The following ARHGEF10 variants were observed in gnomAD, a reference collection of about 807,000 sequenced individuals.
The protein encoded by ARHGEF10 is Rho guanine nucleotide exchange factor (GEF) 10.
ARHGEF10 carries 140 observed loss-of-function variants against 147.4 expected under a neutral mutation model. The observed-to-expected ratio is 0.95, with a 90% CI of 0.83 to 1.09. The LOEUF (loss-of-function observed/expected upper bound fraction) is 1.09, where lower values mean the gene tolerates loss of function less well. Ranked by LOEUF, ARHGEF10 falls within the 50% of genes least tolerant of loss-of-function variation. ARHGEF10 has a pLI of 0.00. For missense variants in ARHGEF10, 2,222 were observed against 1,752.7 expected (o/e 1.27, Z -4.78); for synonymous variants, 902 against 695.8 (o/e 1.30, Z -4.67).
At chr8:1,909,522 C>A (rs79119275) in intron 18 of ARHGEF10, 52 bp downstream of exon 18, 1 of 1,608,428 alleles carries the variant, frequency 6.2e-7, no homozygotes. Flanking sequence ...GTAACTCTCA[C>A]GTTCATGCTA....
chr8:1,842,685 G>A (rs1297804067), intron 1 of ARHGEF10, among the ~76,000 whole-genome samples: 2 of 152,250 alleles, frequency 1.3e-5, no homozygotes, highest in South Asian at 4.1e-4. Context: ...GCTCTGGCGG[G>A]AGCCAGGCCC....
At chr8:1,877,301 C>T (rs918789601) in intron 8 of ARHGEF10, among the ~76,000 whole-genome samples, 5 of 152,170 alleles carry the variant, frequency 3.3e-5, no homozygotes, top group African/African-American at 1.2e-4. Context: ...AATCTCAGCT[C>T]ACTGCAATCT....
At chr8:1,898,357 G>A in intron 14 of ARHGEF10, 76 bp from the exon 15 acceptor site, 1 of 1,284,072 alleles carries the variant, frequency 7.8e-7, no homozygotes, top group Non-Finnish European at 1.1e-6. Context: ...TCAGTGTGGT[G>A]GGGAGGAGGC....
Position 1,905,613 on chromosome 8 carries a change from A to G in ARHGEF10, c.1864A>G (p.Met622Val). The change falls in exon 17 of 29, where the codon ATG (methionine) becomes GTG (valine). Residue 622 changes from methionine to valine, a missense_variant. Met to Val is a conservative substitution (Grantham distance 21, BLOSUM62 1). Coordinates refer to ENST00000349830, the MANE Select transcript of ARHGEF10 (RefSeq NM_014629.4). ...GSRYLIRSDD[M>V]IETVYNDRGE... The stretch of plus-strand genomic sequence containing the variant: ...CCGATACCTCATTCGATCAGATGAT[A>G]TGATAGAAACAGTTTACAACGACAG... The G allele has an allele frequency of 6.2e-7, 1 of 1,614,194 alleles. No homozygotes were observed.
chr8:1,937,696 A>G lies in ARHGEF10; in HGVS notation c.3222+3754A>G, dbSNP rs117453650. On this transcript the variant is annotated intron_variant, in intron 26 of 28. Transcript: ENST00000349830. This position sits in a 1 kb window ranked among gnomAD's most constrained non-coding sequence, Gnocchi z 4.9. ...GCAGCCCACAGGACCTGAGCCCACA[A>G]GATTCGAGCCCTGGGTATGTGTCCG... 7.2e-4 allele frequency among the ~76,000 whole-genome samples: 109 copies of G among 152,374 alleles called. 1 individual carries two copies. Among genetic ancestry groups the G allele is most frequent in the Non-Finnish European group, 1.2e-3 (82 of 68,038 alleles).
chr8:1,931,528 C>T (rs1301539840), intron 25 of ARHGEF10, among the ~76,000 whole-genome samples: 2 of 152,162 alleles, frequency 1.3e-5, no homozygotes, highest in Non-Finnish European at 2.9e-5. Flanking sequence ...GCATCTTTCT[C>T]ACCAAGAGCT....
rs546477040 is a variant in ARHGEF10 at position 1,924,190 on chromosome 8, G to C, written c.2488+316G>C. ...TGGCCGTGAGCCAGGTGCTCAAGGC[G>C]GGCGGCGGGCGGCGGCCTTCAAATG... On this transcript the variant is annotated intron_variant, in intron 21 of 28. Coordinates refer to ENST00000349830, the MANE Select transcript of ARHGEF10 (RefSeq NM_014629.4). Among the ~76,000 whole-genome samples the C allele has an allele frequency of 2.0e-5, 3 of 150,124 alleles. No homozygotes were observed. In the East Asian group the frequency reaches 5.8e-4, roughly 29 times the overall value.
intron 28 of ARHGEF10, among the ~76,000 whole-genome samples, chr8:1,955,335 C>T (rs1410688690): frequency 6.7e-6 from 1 of 149,744 alleles, no homozygotes; most frequent in African/African-American, 2.5e-5. Flanking sequence ...AAAGGAGGTG[C>T]ACTCACTGTG....
chr8:1,858,352 C>T (rs144091621), intron 3 of ARHGEF10, among the ~76,000 whole-genome samples: 2 of 152,288 alleles, frequency 1.3e-5, no homozygotes, highest in East Asian at 3.9e-4. Flanking sequence ...TCTTACGGCC[C>T]AATTGGAACA....
Position 1,916,063 on chromosome 8 carries a change from A to G in ARHGEF10, c.2143+6593A>G, listed in dbSNP as rs555618209. Reference sequence around the variant, plus strand: ...GATGAGTGCCATGCCTGTGTGTCACATGCCAGTCATTCCCATAAGTCTCGT... The same window carrying G: ...GATGAGTGCCATGCCTGTGTGTCACGTGCCAGTCATTCCCATAAGTCTCGT... On this transcript the variant is annotated intron_variant, in intron 18 of 28. Coordinates refer to ENST00000349830, the MANE Select transcript of ARHGEF10 (RefSeq NM_014629.4). 5.3e-5 allele frequency among the ~76,000 whole-genome samples: 8 copies of G among 152,336 alleles called. No homozygotes were observed. In the East Asian group the frequency reaches 1.5e-3, roughly 29 times the overall value.
intron 23 of ARHGEF10, among the ~76,000 whole-genome samples, 183 bp from the exon 24 acceptor site, chr8:1,928,244 A>T (rs766560810): frequency 2.6e-5 from 4 of 152,120 alleles, no homozygotes; most frequent in African/African-American, 9.7e-5. Context: ...ACTGAATTAA[A>T]TGTGTTGAAA....
chr8:1,869,290 C>T lies in ARHGEF10; in HGVS notation c.679+40C>T, dbSNP rs375116286. The T allele has an allele frequency of 4.7e-5, 74 of 1,568,634 alleles. 1 individual carries two copies. In the South Asian group the frequency reaches 6.9e-4, roughly 15 times the overall value. On this transcript the variant is annotated intron_variant, in intron 7 of 28. Transcript: ENST00000349830. ...GGAATTGATTTGAGGAGATTCAGCTCAGCAGCCTTTCCCTCTGGATGCCAA... is the reference window on the plus strand; with the variant it reads ...GGAATTGATTTGAGGAGATTCAGCTTAGCAGCCTTTCCCTCTGGATGCCAA...
At chr8:1,888,232 G>C (rs76764858) in intron 11 of ARHGEF10, among the ~76,000 whole-genome samples, 1,054 of 38,282 alleles carry the variant, frequency 0.028, 34 homozygotes, top group East Asian at 0.2. Context: ...CGAGGAGACA[G>C]TGAGTGTGGT....
At chr8:1,849,527 G>C (rs1169505990) in intron 2 of ARHGEF10, among the ~76,000 whole-genome samples, 1 of 150,462 alleles carries the variant, frequency 6.6e-6, no homozygotes, top group Non-Finnish European at 1.5e-5. Context: ...ATGCTGAGGA[G>C]GGCGTGGGGC....
intron 8 of ARHGEF10, among the ~76,000 whole-genome samples, chr8:1,879,355 C>T (rs748170645): frequency 1.7e-4 from 26 of 152,104 alleles, no homozygotes; most frequent in Non-Finnish European, 3.4e-4. Context: ...GTATCTTTTG[C>T]TTGGATGCCA....
chr8:1,949,529 C>G (rs1814858515), intron 27 of ARHGEF10, among the ~76,000 whole-genome samples: 1 of 152,140 alleles, frequency 6.6e-6, no homozygotes, highest in African/African-American at 2.4e-5. Context: ...CCTGCTCTGT[C>G]CCGCATGTTC....
chr8:1,905,390 G>A (rs928077605), intron 16 of ARHGEF10, among the ~76,000 whole-genome samples, 181 bp from the exon 17 acceptor site: 6 of 152,162 alleles, frequency 3.9e-5, no homozygotes, highest in Non-Finnish European at 7.4e-5. Flanking sequence ...GGCCAACTGC[G>A]GTGAAAGTCT....
At chr8:1,839,485 A>AGCTGTCTGGTGTGGGG (rs1803819813) in intron 1 of ARHGEF10, among the ~76,000 whole-genome samples, 1 of 82,816 alleles carries the variant, frequency 1.2e-5, no homozygotes, top group Non-Finnish European at 2.3e-5. Context: ...CTGGTGTGGA[A>AGCTGTCTGGTGTGGGG]ACTGTCTGGT....
intron 14 of ARHGEF10, 88 bp from the exon 15 acceptor site, chr8:1,898,345 G>A: frequency 2.6e-6 from 3 of 1,153,072 alleles, no homozygotes; most frequent in Non-Finnish European, 3.9e-6. Context: ...TTTCCCGAGT[G>A]TTCAGTGTGG....
Sources: allele counts gnomAD v4.1 joint callset (sites outside exome capture counted in the v4.1 genomes callset), GRCh38; gene constraint gnomAD v4.1.1; non-coding constraint Gnocchi (gnomAD v3.1); transcripts MANE v1.5; gene names NCBI Gene and HGNC (gene_info 2026-07-23, HGNC 2026-07-21).